The following EPS15L1 variants were observed in gnomAD, a reference collection of about 807,000 sequenced individuals.
The protein encoded by EPS15L1 is epidermal growth factor receptor substrate 15-like 1.
EPS15L1 carries 43 observed loss-of-function variants against 117.1 expected under a neutral mutation model. The observed-to-expected ratio is 0.37, with a 90% CI of 0.29 to 0.47. EPS15L1 has a LOEUF of 0.47. EPS15L1 is among the 20% of genes least tolerant of loss of function. The probability of loss-of-function intolerance (pLI) is 0.99; values close to 1 mark genes in which losing one functional copy is unlikely to be tolerated. For synonymous variants in EPS15L1, 459 were observed against 470.5 expected (o/e 0.98, Z 0.32); for missense variants, 981 against 1,164.0 (o/e 0.84, Z 2.29).
chr19:16,367,874 G>A (rs919609206), intron 22 of EPS15L1, among the ~76,000 whole-genome samples: 5 of 151,900 alleles, frequency 3.3e-5, no homozygotes, highest in African/African-American at 1.2e-4. Flanking sequence ...AACTCTCTTG[G>A]TTTAAATTTT....
intron 3 of EPS15L1, 134 bp downstream of exon 3, chr19:16,441,758 G>A: frequency 1.7e-6 from 1 of 600,864 alleles, no homozygotes; most frequent in Non-Finnish European, 2.9e-6. Flanking sequence ...TGCAGCCTGA[G>A]AGGTCTGCAG....
intron 10 of EPS15L1, among the ~76,000 whole-genome samples, chr19:16,419,735 GAA>G (rs1281021667): frequency 6.6e-6 from 1 of 152,224 alleles, no homozygotes; most frequent in African/African-American, 2.4e-5. Context: ...AGATCTCAAA[GAA>G]CATTGCTGAT....
chr19:16,414,924 C>T lies in EPS15L1; in HGVS notation c.1194-1079G>A, dbSNP rs911587592. Among the ~76,000 whole-genome samples the T allele has an allele frequency of 2.6e-5, 4 of 152,180 alleles. No homozygotes were observed. The East Asian group carries it at 5.8e-4, about 22-fold the overall frequency. On this transcript the variant is annotated intron_variant, in intron 12 of 23. Coordinates refer to ENST00000455140, the MANE Select transcript of EPS15L1 (RefSeq NM_001258374.3). ...GTCTCAATATATGGCCCAGGCTGGTCTGGACCTCCTGGGCTCAACCGATCC... is the reference window on the plus strand; with the variant it reads ...GTCTCAATATATGGCCCAGGCTGGTTTGGACCTCCTGGGCTCAACCGATCC...
intron 1 of EPS15L1, among the ~76,000 whole-genome samples, chr19:16,458,540 C>T (rs1420774591): frequency 1.3e-5 from 2 of 151,886 alleles, no homozygotes; most frequent in Non-Finnish European, 2.9e-5. Context: ...TTCCCCACTG[C>T]ACCTCGCACA....
At chr19:16,363,113 C>A (rs1742745285) in intron 22 of EPS15L1, among the ~76,000 whole-genome samples, 1 of 152,078 alleles carries the variant, frequency 6.6e-6, no homozygotes, top group Non-Finnish European at 1.5e-5. Context: ...TCCCACCTGA[C>A]GGGCCTTCCA....
chr19:16,377,938 C>A (rs1255566468), intron 21 of EPS15L1, among the ~76,000 whole-genome samples: 1 of 152,248 alleles, frequency 6.6e-6, no homozygotes, highest in African/African-American at 2.4e-5. Context: ...CTCCACCCCA[C>A]ACCTGCTGTC....
chr19:16,425,428 A>G, intron 8 of EPS15L1, 112 bp from the exon 9 acceptor site: 1 of 740,940 alleles, frequency 1.3e-6, no homozygotes, highest in Non-Finnish European at 2.4e-6. Context: ...CTCTGTCAGG[A>G]CGCTCCCAAG....
In EPS15L1 at chr19:16,471,498, GCGGGACCCTGCCCGCCCGGGCGC is replaced by G. The variant is rs2093345846; in HGVS notation, c.33+392_33+414del. Reference sequence around the variant, plus strand: ...CTGCTGCTGACGGGTCCGGGCTCCGGCGGGACCCTGCCCGCCCGGGCGCCGGGACCGGAGGGAGACAAAGACTC... The same window carrying G: ...CTGCTGCTGACGGGTCCGGGCTCCGGCGGGACCGGAGGGAGACAAAGACTC... On this transcript the variant is annotated intron_variant, in intron 1 of 23. Coordinates refer to ENST00000455140, the MANE Select transcript of EPS15L1 (RefSeq NM_001258374.3). This position sits in a 1 kb window ranked among gnomAD's most constrained non-coding sequence, Gnocchi z 4.8. Among the ~76,000 whole-genome samples the G allele has an allele frequency of 6.6e-6, 1 of 152,198 alleles. No homozygotes were observed. The highest frequency in any genetic ancestry group is 2.4e-5 in the African/African-American group (1 of 41,448).
At chr19:16,441,163 T>G (rs1304554974) in intron 3 of EPS15L1, 1 of 533,408 alleles carries the variant, frequency 1.9e-6, no homozygotes, top group Admixed American at 3.1e-5. Context: ...ATGACACCCT[T>G]CTTCCCCCAA....
chr19:16,373,037 T>C (rs1044527613), intron 22 of EPS15L1, among the ~76,000 whole-genome samples: 2 of 152,190 alleles, frequency 1.3e-5, no homozygotes, highest in Non-Finnish European at 2.9e-5. Flanking sequence ...GATGGGAGCA[T>C]GGGACATCAG....
rs951183544 is a variant in EPS15L1, at chr19:16,377,111, A to T, written c.2380+11T>A. 10 of 1,586,500 alleles carry T rather than the reference A, an allele frequency of 6.3e-6. No homozygotes were observed. The highest frequency in any genetic ancestry group is 1.7e-6 in the Non-Finnish European group (2 of 1,169,046). The stretch of plus-strand genomic sequence containing the variant: ...GTAGGCGGTGGCTGCGAGAGAAGAA[A>T]GCTTACTGACCGCTGGGCGGTTTAG... On this transcript the variant is annotated intron_variant, in intron 22 of 23. Coordinates refer to ENST00000455140, the MANE Select transcript of EPS15L1 (RefSeq NM_001258374.3).
intron 9 of EPS15L1, among the ~76,000 whole-genome samples, 182 bp from the exon 10 acceptor site, chr19:16,421,658 G>A (rs1430900913): frequency 6.6e-6 from 1 of 152,154 alleles, no homozygotes; most frequent in African/African-American, 2.4e-5. Flanking sequence ...CTGAGGCTGA[G>A]ACAGGTTGAG....
At chr19:16,441,241 T>C (rs1386498534) in intron 3 of EPS15L1, 1 of 346,370 alleles carries the variant, frequency 2.9e-6, no homozygotes, top group Non-Finnish European at 5.6e-6. Context: ...GAGGCCAAGG[T>C]GGGCGATTCA....
intron 22 of EPS15L1, 129 bp from the exon 23 acceptor site, chr19:16,362,113 G>T: frequency 1.1e-6 from 1 of 928,968 alleles, no homozygotes; most frequent in Non-Finnish European, 1.6e-6. Context: ...TTGGCTAACA[G>T]GCTGGACGGG....
intron 4 of EPS15L1, chr19:16,440,565 C>T (rs1027968901): frequency 1.7e-4 from 35 of 204,726 alleles, no homozygotes; most frequent in Non-Finnish European, 1.9e-4. Context: ...GCAACTTCCA[C>T]GAGAGACTGG....
At position 16,434,415 on chromosome 19, in the gene EPS15L1, CT is replaced by C; in HGVS notation, c.447del (p.Val150SerfsTer6). On this transcript the variant is annotated frameshift_variant, in exon 7 of 24. Transcript: ENST00000455140. LOFTEE classifies it high-confidence loss of function. ...TTTGAGTTCATGAGGACTGGCTTGA[CT>C]TTGTCTCCAGAGAGCAAACCATTGA... is the stretch of plus-strand genomic sequence containing the variant. ...LPINGLLSGD[K>X]VKPVLMNSKL... 6.2e-7 allele frequency: 1 copy of C among 1,614,220 alleles called. No homozygotes were observed. The highest frequency in any genetic ancestry group is 8.5e-7 in the Non-Finnish European group (1 of 1,180,028).
Position 16,370,453 on chromosome 19 carries a change from C to T in EPS15L1, c.2380+6669G>A, listed in dbSNP as rs2092206620. The stretch of plus-strand genomic sequence containing the variant: ...GCAGGTACACCCGATGTCCCCAGGG[C>T]GATGGCTCCCGTCTGTTCACACCTA... On this transcript the variant is annotated intron_variant, in intron 22 of 23. Transcript: ENST00000455140. This position sits in a 1 kb window ranked among gnomAD's most constrained non-coding sequence, Gnocchi z 5.2. 1.3e-5 allele frequency among the ~76,000 whole-genome samples: 2 copies of T among 152,074 alleles called. No homozygotes were observed. The highest frequency in any genetic ancestry group is 2.4e-5 in the African/African-American group (1 of 41,390).
intron 23 of EPS15L1, among the ~76,000 whole-genome samples, chr19:16,358,999 C>T (rs1437976032): frequency 1.3e-5 from 2 of 152,132 alleles, no homozygotes; most frequent in East Asian, 1.9e-4. Flanking sequence ...CAGCCACACA[C>T]GCAAATAACC....
At chr19:16,441,182 C>T (rs1011036549) in intron 3 of EPS15L1, 3 of 490,568 alleles carry the variant, frequency 6.1e-6, no homozygotes, top group Non-Finnish European at 1.1e-5. Flanking sequence ...AACTAAAGTC[C>T]GCAAGTGGCC....
Sources: gnomAD v4.1 joint callset for allele counts (sites outside exome capture counted in the v4.1 genomes callset) on GRCh38, gnomAD v4.1.1 for gene constraint, Gnocchi (gnomAD v3.1) non-coding constraint, MANE v1.5 for transcripts, NCBI Gene and HGNC (gene_info 2026-07-23, HGNC 2026-07-21) for gene names.